The following MTUS2 variants were observed in gnomAD, a reference collection of about 807,000 sequenced individuals.
The protein encoded by MTUS2 is microtubule associated scaffold protein 2.
Under a neutral mutation model 114.1 loss-of-function variants are expected in MTUS2, and 40 were observed. The observed-to-expected ratio is 0.35, with a 90% CI of 0.27 to 0.46. The LOEUF is 0.46. Among genes scored for constraint, MTUS2 ranks in the 20% least tolerant of loss-of-function variants. The pLI is 1.00. For synonymous variants in MTUS2, 688 were observed against 672.0 expected, an observed-to-expected ratio of 1.02 and a Z score of -0.37; for missense variants, 1,679 against 1,705.4, an observed-to-expected ratio of 0.98 and a Z score of 0.27.
In MTUS2 at chr13:29,363,550, C is replaced by CA. The variant is rs944586769; in HGVS notation, c.3117+4085dup. ...GCTTTTATTATTTTACCTTTTATCA[C>CA]AAAAAAAATTTAATATAGAATAGTG... On this transcript the variant is annotated intron_variant, in intron 8 of 15. Transcript: ENST00000612955. Among the ~76,000 whole-genome samples, 9 of 151,784 alleles carry CA rather than the reference C, an allele frequency of 5.9e-5. No homozygotes were observed. In the South Asian group the frequency reaches 8.3e-4, roughly 14 times the overall value.
chr13:29,095,819 T>C (rs1398812631), intron 4 of MTUS2, among the ~76,000 whole-genome samples: 1 of 152,120 alleles, frequency 6.6e-6, no homozygotes, highest in African/African-American at 2.4e-5. Context: ...TTCCATTTGG[T>C]TTTTATAATT....
rs930557268 is a variant in MTUS2 at position 29,389,550 on chromosome 13, TAC to T, written c.3117+30080_3117+30081del. The stretch of plus-strand genomic sequence containing the variant: ...ATATGTATACACGTGTGTATATGTA[TAC>T]ACGTGTGTATATGTGTACATATGTG... On this transcript the variant is annotated intron_variant, in intron 8 of 15. Transcript: ENST00000612955. Among the ~76,000 whole-genome samples, 2 of 91,040 alleles carry T rather than the reference TAC, an allele frequency of 2.2e-5. 1 individual carries two copies. Among genetic ancestry groups the T allele is most frequent in the Non-Finnish European group, 4.5e-5 (2 of 44,936 alleles). The allele number at this position is 91,040 out of a possible 152,430, so 59.7% of individuals were successfully genotyped here.
At chr13:29,023,110 G>C (rs1357919122) in intron 2 of MTUS2, among the ~76,000 whole-genome samples, 1 of 152,176 alleles carries the variant, frequency 6.6e-6, no homozygotes, top group African/African-American at 2.4e-5. Flanking sequence ...CATATTGAAG[G>C]ATGCAAAGGA....
intron 2 of MTUS2, among the ~76,000 whole-genome samples, chr13:28,971,241 A>G (rs535173922): frequency 1.3e-5 from 2 of 152,308 alleles, no homozygotes; most frequent in East Asian, 1.9e-4. Flanking sequence ...ATCCTGACTC[A>G]TTACTGGTAG....
At chr13:29,174,939 A>G (rs1021655156) in intron 5 of MTUS2, among the ~76,000 whole-genome samples, 4 of 152,218 alleles carry the variant, frequency 2.6e-5, no homozygotes, top group African/African-American at 7.2e-5. Context: ...GCAGTTCGCT[A>G]TTCCTTCACT....
chr13:29,160,055 G>A (rs1341426321), intron 5 of MTUS2, among the ~76,000 whole-genome samples: 3 of 152,148 alleles, frequency 2.0e-5, no homozygotes, highest in East Asian at 1.9e-4. Flanking sequence ...CATTGCTCAC[G>A]GAGGCTTCAT....
intron 5 of MTUS2, among the ~76,000 whole-genome samples, chr13:29,171,215 G>C (rs1385540472): frequency 6.6e-6 from 1 of 152,002 alleles, no homozygotes; most frequent in African/African-American, 2.4e-5. Context: ...GTTAATGTAG[G>C]GCTAACAAGA....
chr13:29,231,961 G>A (rs1301923055), intron 5 of MTUS2, among the ~76,000 whole-genome samples: 1 of 151,968 alleles, frequency 6.6e-6, no homozygotes, highest in Non-Finnish European at 1.5e-5. Context: ...TTTAATATGA[G>A]GATATAAGAA....
At chr13:29,190,074 A>C (rs963096564) in intron 5 of MTUS2, among the ~76,000 whole-genome samples, 10 of 152,174 alleles carry the variant, frequency 6.6e-5, no homozygotes, top group African/African-American at 9.7e-5. Flanking sequence ...CTAGAATTCA[A>C]GTCTGCCAGC....
intron 14 of MTUS2, among the ~76,000 whole-genome samples, chr13:29,500,810 C>CAG (rs1882843329): frequency 6.6e-6 from 1 of 151,636 alleles, no homozygotes. Context: ...CACACACACA[C>CAG]ACACACACAC....
At chr13:29,223,748 G>A (rs1453224354) in intron 5 of MTUS2, among the ~76,000 whole-genome samples, 1 of 152,240 alleles carries the variant, frequency 6.6e-6, no homozygotes, top group African/African-American at 2.4e-5. Context: ...ATGAGAAGGA[G>A]AGAAGAAAGG....
chr13:28,957,688 G>T (rs369034762), intron 2 of MTUS2, among the ~76,000 whole-genome samples: 7 of 152,254 alleles, frequency 4.6e-5, no homozygotes, highest in Admixed American at 1.3e-4. Flanking sequence ...TATCTGGAGG[G>T]GGGGGTCCTG....
chr13:29,401,190 C>T (rs1437742915), intron 8 of MTUS2, among the ~76,000 whole-genome samples: 9 of 152,226 alleles, frequency 5.9e-5, no homozygotes, highest in Middle Eastern at 6.8e-3. Context: ...CTCACCGTGT[C>T]GGCCAGGCTG....
At chr13:29,018,689 A>G (rs226907) in intron 2 of MTUS2, among the ~76,000 whole-genome samples, 151,853 of 151,908 alleles carry the variant, frequency 1, 75,899 homozygotes, top group Non-Finnish European at 1. Context: ...GAGCCCAGGA[A>G]GCGGAGGTTA....
At chr13:29,384,534 CT>C in intron 8 of MTUS2, among the ~76,000 whole-genome samples, 1 of 152,346 alleles carries the variant, frequency 6.6e-6, no homozygotes, top group African/African-American at 2.4e-5. Flanking sequence ...TTCCCATGTC[CT>C]TTAGCAAAGT....
chr13:29,004,725 C>A (rs889676889), intron 2 of MTUS2, among the ~76,000 whole-genome samples: 16 of 152,146 alleles, frequency 1.1e-4, no homozygotes, highest in African/African-American at 3.4e-4. Context: ...ATGTTTCTTT[C>A]AGCAAATACA....
intron 10 of MTUS2, among the ~76,000 whole-genome samples, chr13:29,481,513 G>A (rs1881173179): frequency 6.6e-6 from 1 of 152,116 alleles, no homozygotes; most frequent in African/African-American, 2.4e-5. Context: ...GTTGACATTT[G>A]TGAAGAGCAC....
intron 2 of MTUS2, among the ~76,000 whole-genome samples, chr13:29,008,940 C>T (rs1471715522): frequency 6.7e-6 from 1 of 150,168 alleles, no homozygotes; most frequent in Non-Finnish European, 1.5e-5. Flanking sequence ...TCTTCTTCTT[C>T]TTTTTTTTTC....
At chr13:29,346,844 C>T (rs1288463278) in intron 7 of MTUS2, among the ~76,000 whole-genome samples, 1 of 148,896 alleles carries the variant, frequency 6.7e-6, no homozygotes, top group Non-Finnish European at 1.5e-5. Flanking sequence ...GAACTCTTCC[C>T]ACTGCTTCCC....
Sources: gnomAD v4.1 joint callset for allele counts (sites outside exome capture counted in the v4.1 genomes callset) on GRCh38, gnomAD v4.1.1 for gene constraint, MANE v1.5 for transcripts, NCBI Gene and HGNC (gene_info 2026-07-23, HGNC 2026-07-21) for gene names.